Variants in CSMD3 observed in about 807,000 individuals in gnomAD.
CSMD3 encodes CUB and sushi domain-containing protein 3.
Under a neutral mutation model 435.2 loss-of-function variants are expected in CSMD3, and 177 were observed. The observed-to-expected ratio is 0.41, with a 90% confidence interval of 0.36 to 0.46. CSMD3 has a LOEUF of 0.46. Among genes scored for constraint, CSMD3 ranks in the 20% least tolerant of loss-of-function variants. The pLI is 0.34. For missense variants in CSMD3, 4,265 were observed against 4,504.6 expected (o/e 0.95, Z 1.52); for synonymous variants, 1,656 against 1,520.5 (o/e 1.09, Z -2.07).
chr8:112,930,192 G>T (rs531463164), intron 9 of CSMD3, among the ~76,000 whole-genome samples: 4 of 152,174 alleles, frequency 2.6e-5, no homozygotes, highest in Admixed American at 2.0e-4. Flanking sequence ...ATAAGGCAAG[G>T]TTAACATCTC....
chr8:113,427,824 G>C (rs957007659), intron 1 of CSMD3, among the ~76,000 whole-genome samples: 1 of 151,602 alleles, frequency 6.6e-6, no homozygotes, highest in Non-Finnish European at 1.5e-5. Flanking sequence ...CTGTAGAGCT[G>C]AGTGGAAGGT....
intron 17 of CSMD3, among the ~76,000 whole-genome samples, chr8:112,658,958 A>T (rs1043683322): frequency 6.6e-6 from 1 of 152,280 alleles, no homozygotes; most frequent in Middle Eastern, 3.4e-3. Context: ...TTGTCTCAAA[A>T]GAAAAAAAAA....
intron 10 of CSMD3, among the ~76,000 whole-genome samples, chr8:112,912,491 G>T (rs894975711): frequency 4.0e-5 from 6 of 151,500 alleles, no homozygotes; most frequent in Non-Finnish European, 8.8e-5. Flanking sequence ...TAATGGTACT[G>T]GGAAAACTGC....
At chr8:112,536,699 G>A (rs1352218170) in intron 27 of CSMD3, among the ~76,000 whole-genome samples, 1 of 149,428 alleles carries the variant, frequency 6.7e-6, no homozygotes, top group Non-Finnish European at 1.5e-5. Context: ...AATTCATGCT[G>A]CTATAAAGAC....
chr8:113,353,656 G>A (rs767430829), intron 1 of CSMD3, among the ~76,000 whole-genome samples: 1 of 151,976 alleles, frequency 6.6e-6, no homozygotes, highest in Non-Finnish European at 1.5e-5. Flanking sequence ...CCTTTCTCAC[G>A]AGTTCTGCAC....
chr8:112,792,409 G>A (rs2078714115), intron 13 of CSMD3, among the ~76,000 whole-genome samples: 1 of 152,108 alleles, frequency 6.6e-6, no homozygotes. Context: ...AAGAGAGACA[G>A]AGTGGTCTCT....
intron 1 of CSMD3, among the ~76,000 whole-genome samples, chr8:113,381,584 A>C (rs770315913): frequency 2.0e-4 from 30 of 152,088 alleles, no homozygotes; most frequent in Non-Finnish European, 2.5e-4. Context: ...TTATTAAGCA[A>C]ACATTCAAAA....
At chr8:112,875,455 ATGT>A (rs1364714249) in intron 10 of CSMD3, among the ~76,000 whole-genome samples, 1 of 151,996 alleles carries the variant, frequency 6.6e-6, no homozygotes, top group African/African-American at 2.4e-5. Context: ...CTGTATTTGA[ATGT>A]TGTCCTGTCT....
intron 4 of CSMD3, among the ~76,000 whole-genome samples, chr8:113,116,603 G>C (rs2090836316): frequency 6.6e-6 from 1 of 152,152 alleles, no homozygotes; most frequent in Non-Finnish European, 1.5e-5. Flanking sequence ...CTTTGGAACT[G>C]GGTAAATGGC....
intron 3 of CSMD3, among the ~76,000 whole-genome samples, chr8:113,230,653 A>G (rs946045501): frequency 4.6e-5 from 7 of 151,748 alleles, no homozygotes; most frequent in Non-Finnish European, 1.0e-4. Context: ...AATGTTTAAC[A>G]TTACACCAAG....
intron 41 of CSMD3, among the ~76,000 whole-genome samples, chr8:112,345,681 A>ATATTGCGC (rs1237656249): frequency 6.6e-6 from 1 of 152,162 alleles, no homozygotes; most frequent in East Asian, 1.9e-4. Context: ...TATTAACAAC[A>ATATTGCGC]TATTGCGCTC....
chr8:112,914,530 C>T lies in CSMD3; in HGVS notation c.1633+7097G>A, dbSNP rs1322316617. Among the ~76,000 whole-genome samples, 3 of 151,390 alleles carry T rather than the reference C, an allele frequency of 2.0e-5. No homozygotes were observed. In the East Asian group the frequency reaches 6.0e-4, roughly 30 times the overall value. On this transcript the variant is annotated intron_variant, in intron 10 of 70. Coordinates refer to ENST00000297405, the MANE Select transcript of CSMD3 (RefSeq NM_198123.2). Reference sequence around the variant, plus strand: ...GTAAGCAGAAGAACATACTTCATGCCTTAATATGAGGAAAGGTCTGCCAAA... The same window carrying T: ...GTAAGCAGAAGAACATACTTCATGCTTTAATATGAGGAAAGGTCTGCCAAA...
chr8:112,607,408 A>T (rs1832885410), intron 22 of CSMD3, among the ~76,000 whole-genome samples: 1 of 152,092 alleles, frequency 6.6e-6, no homozygotes, highest in South Asian at 2.1e-4. Flanking sequence ...TTAACATTTA[A>T]AGAATAATTA....
chr8:112,367,632 A>G (rs922022765), intron 38 of CSMD3, among the ~76,000 whole-genome samples: 1 of 152,148 alleles, frequency 6.6e-6, no homozygotes, highest in African/African-American at 2.4e-5. Flanking sequence ...CACAACCACA[A>G]CTACTGCCTT....
At chr8:113,163,904 A>G (rs902399347) in intron 4 of CSMD3, among the ~76,000 whole-genome samples, 2 of 152,026 alleles carry the variant, frequency 1.3e-5, no homozygotes, top group African/African-American at 4.8e-5. Flanking sequence ...TGACCTGAGA[A>G]GCTAATTTTC....
chr8:112,929,091 G>C (rs1225799585), intron 9 of CSMD3, among the ~76,000 whole-genome samples: 2 of 149,704 alleles, frequency 1.3e-5, no homozygotes, highest in East Asian at 3.9e-4. Flanking sequence ...GTCTTCTTTT[G>C]AGAAGTGTCT....
At chr8:112,902,563 T>C (rs1225093035) in intron 10 of CSMD3, among the ~76,000 whole-genome samples, 1 of 151,244 alleles carries the variant, frequency 6.6e-6, no homozygotes, top group Non-Finnish European at 1.5e-5. Flanking sequence ...TACCCAATGG[T>C]CTGCTGTGGC....
At chr8:113,324,768 C>T (rs1338748808) in intron 1 of CSMD3, among the ~76,000 whole-genome samples, 1 of 152,136 alleles carries the variant, frequency 6.6e-6, no homozygotes, top group Non-Finnish European at 1.5e-5. Flanking sequence ...TTGCACTGTT[C>T]CCCTGGAAAA....
At chr8:113,001,464 A>G (rs1425057368) in intron 6 of CSMD3, among the ~76,000 whole-genome samples, 2 of 151,976 alleles carry the variant, frequency 1.3e-5, no homozygotes, top group Non-Finnish European at 2.9e-5. Flanking sequence ...CACTGCCTCA[A>G]CTCTAATCTT....
Sources: allele counts gnomAD v4.1 joint callset (sites outside exome capture counted in the v4.1 genomes callset), GRCh38; gene constraint gnomAD v4.1.1; transcripts MANE v1.5; gene names NCBI Gene and HGNC (gene_info 2026-07-23, HGNC 2026-07-21).